Variants in FMN1 observed in about 807,000 individuals in gnomAD.
The protein encoded by FMN1 is formin-1.
Under a neutral mutation model 132.4 loss-of-function variants are expected in FMN1, and 110 were observed. The ratio of observed to expected loss-of-function variants is 0.83; its 90% CI spans 0.71 to 0.97. FMN1 has a LOEUF of 0.97. Among genes scored for constraint, FMN1 ranks in the 50% least tolerant of loss-of-function variants. The probability of loss-of-function intolerance (pLI) is 0.00; values close to 1 mark genes in which losing one functional copy is unlikely to be tolerated. For synonymous variants in FMN1, 722 were observed against 651.7 expected, an observed-to-expected ratio of 1.11 and a Z score of -1.64; for missense variants, 1,792 against 1,705.3, an observed-to-expected ratio of 1.05 and a Z score of -0.90.
At chr15:32,985,736 G>C (rs1310688023) in intron 7 of FMN1, among the ~76,000 whole-genome samples, 2 of 49,520 alleles carry the variant, frequency 4.0e-5, no homozygotes, top group African/African-American at 1.2e-4. Context: ...TCTCCACACA[G>C]ACATGGAAGT....
chr15:33,066,492 A>G (rs1383837086), intron 5 of FMN1: 1 of 1,481,232 alleles, frequency 6.8e-7, no homozygotes, highest in East Asian at 2.4e-5. Flanking sequence ...GTTAAAATGC[A>G]AAACCCAATT....
At chr15:33,109,837 A>G (rs2039629510) in intron 4 of FMN1, among the ~76,000 whole-genome samples, 1 of 128,978 alleles carries the variant, frequency 7.8e-6, no homozygotes, top group African/African-American at 2.6e-5. Flanking sequence ...CTAAAATGAA[A>G]GTTAAAAAAA....
At chr15:32,784,226 C>A (rs145091262) in intron 19 of FMN1, among the ~76,000 whole-genome samples, 3 of 152,244 alleles carry the variant, frequency 2.0e-5, no homozygotes, top group East Asian at 3.9e-4. Context: ...AGAGCTTTAA[C>A]CTTCAGCAAA....
At chr15:33,004,603 G>A (rs1434842476) in intron 7 of FMN1, among the ~76,000 whole-genome samples, 1 of 152,154 alleles carries the variant, frequency 6.6e-6, no homozygotes, top group African/African-American at 2.4e-5. Context: ...CTGTAAACCA[G>A]TTCAACCATT....
At chr15:32,896,944 G>T (rs899870374) in intron 15 of FMN1, among the ~76,000 whole-genome samples, 1 of 152,296 alleles carries the variant, frequency 6.6e-6, no homozygotes, top group African/African-American at 2.4e-5. Context: ...GAGATTGTCT[G>T]ATCATATGGT....
chr15:33,049,455 C>A (rs943411839), intron 6 of FMN1, among the ~76,000 whole-genome samples: 4 of 152,180 alleles, frequency 2.6e-5, no homozygotes, highest in Non-Finnish European at 5.9e-5. Flanking sequence ...CCTACCTTTG[C>A]AAAACTCACA....
intron 16 of FMN1, among the ~76,000 whole-genome samples, chr15:32,874,025 T>TTTTTG (rs1156622994): frequency 1.3e-5 from 2 of 149,242 alleles, no homozygotes; most frequent in African/African-American, 5.0e-5. Flanking sequence ...TTGTTTTTTT[T>TTTTTG]TTTTTTTTTT....
intron 6 of FMN1, among the ~76,000 whole-genome samples, chr15:33,013,983 C>G (rs1333774686): frequency 6.6e-6 from 1 of 152,006 alleles, no homozygotes. Context: ...AAGGAGACTA[C>G]TGCAAAGCTA....
intron 4 of FMN1, among the ~76,000 whole-genome samples, chr15:33,128,398 C>T (rs1963326986): frequency 6.6e-6 from 1 of 152,166 alleles, no homozygotes; most frequent in Non-Finnish European, 1.5e-5. Flanking sequence ...AACTGCCCGC[C>T]ATTTGTTCAT....
intron 6 of FMN1, among the ~76,000 whole-genome samples, chr15:33,011,921 T>C (rs1359285396): frequency 2.0e-5 from 3 of 152,240 alleles, no homozygotes; most frequent in African/African-American, 7.2e-5. Context: ...GAAACTTCCA[T>C]ACACTTCACT....
At chr15:33,120,953 A>G (rs1962495296) in intron 4 of FMN1, among the ~76,000 whole-genome samples, 1 of 152,196 alleles carries the variant, frequency 6.6e-6, no homozygotes, top group South Asian at 2.1e-4. Flanking sequence ...TCTTGGATGC[A>G]AAGTAAATTC....
chr15:33,170,285 G>A (rs7162716), intron 3 of FMN1, among the ~76,000 whole-genome samples: 1,849 of 152,124 alleles, frequency 0.012, 30 homozygotes, highest in African/African-American at 0.042. Flanking sequence ...ATGGATTAAA[G>A]AATTAAACGT....
rs759994571 is a variant in FMN1, at chr15:32,902,220, G to C, written c.3378-180C>G. On this transcript the variant is annotated intron_variant, in intron 12 of 20. Coordinates refer to ENST00000616417, the MANE Select transcript of FMN1 (RefSeq NM_001277313.2). ...CATGGTTTCCATTGTTGACAACAGG[G>C]CTGTTTTTTAAAGGAGTTCTAGCAT... is the stretch of plus-strand genomic sequence containing the variant. Among the ~76,000 whole-genome samples the C allele has an allele frequency of 7.2e-4, 110 of 152,170 alleles. 1 individual carries two copies. The highest frequency in any genetic ancestry group is 1.3e-3 in the Non-Finnish European group (90 of 68,028).
intron 16 of FMN1, among the ~76,000 whole-genome samples, chr15:32,877,350 A>T (rs1003880048): frequency 6.6e-6 from 1 of 152,040 alleles, no homozygotes; most frequent in Non-Finnish European, 1.5e-5. Context: ...GAATTAATTC[A>T]AGAGATTGTT....
rs2038800836 is a variant in FMN1, at chr15:33,088,868, T to C, written c.1974A>G (p.Pro658=). ...GAWVLGYRAG[P]ACPFLLHEER... is the part of the protein sequence containing the mutation. ...CCTCATGAAGCAAAAATGGACAGGCTGGTCCCGCTCTGTAGCCCAGAACCC... is the reference window on the plus strand; with the variant it reads ...CCTCATGAAGCAAAAATGGACAGGCCGGTCCCGCTCTGTAGCCCAGAACCC... Residue 658 remains proline, a synonymous_variant, in exon 5 of 21, where the codon CCA becomes CCG. Coordinates refer to ENST00000616417, the MANE Select transcript of FMN1 (RefSeq NM_001277313.2). The C allele has an allele frequency of 1.3e-6, 2 of 1,536,050 alleles. No individual in the cohort carries two copies. The highest frequency in any genetic ancestry group is 1.7e-6 in the Non-Finnish European group (2 of 1,146,858).
At chr15:33,122,202 C>G (rs865791139) in intron 4 of FMN1, among the ~76,000 whole-genome samples, 1 of 152,224 alleles carries the variant, frequency 6.6e-6, no homozygotes, top group Admixed American at 6.5e-5. Context: ...ATTGAAAACT[C>G]TGACCTATAG....
chr15:32,871,565 A>G (rs1381507018), intron 16 of FMN1, among the ~76,000 whole-genome samples: 1 of 152,190 alleles, frequency 6.6e-6, no homozygotes, highest in Non-Finnish European at 1.5e-5. Flanking sequence ...CTTGAGCCAC[A>G]TCTGTGTCCA....
At chr15:33,084,255 CT>C (rs2038603780) in intron 5 of FMN1, among the ~76,000 whole-genome samples, 1 of 152,202 alleles carries the variant, frequency 6.6e-6, no homozygotes, top group African/African-American at 2.4e-5. Context: ...TCCAAGAACC[CT>C]TTCTTGGGGT....
Position 32,933,915 on chromosome 15 carries a change from C to CT in FMN1, c.3139-7655dup, listed in dbSNP as rs1227121397. On this transcript the variant is annotated intron_variant, in intron 9 of 20. Coordinates refer to ENST00000616417, the MANE Select transcript of FMN1 (RefSeq NM_001277313.2). ...TATTATAGACAGCATATAGTTCCATCTTTTTTTATCCATTTAGCAATTTTA... is the reference window on the plus strand; with the variant it reads ...TATTATAGACAGCATATAGTTCCATCTTTTTTTTATCCATTTAGCAATTTTA... Among the ~76,000 whole-genome samples the CT allele has an allele frequency of 5.3e-5, 8 of 152,134 alleles. No individual in the cohort carries two copies. The East Asian group carries it at 5.8e-4, about 11-fold the overall frequency.
Sources: gnomAD v4.1 joint callset for allele counts (sites outside exome capture counted in the v4.1 genomes callset) on GRCh38, gnomAD v4.1.1 for gene constraint, MANE v1.5 for transcripts, NCBI Gene and HGNC (gene_info 2026-07-23, HGNC 2026-07-21) for gene names.